The following CCDC148 variants were observed in gnomAD, a reference collection of about 807,000 sequenced individuals.
CCDC148 encodes coiled-coil domain-containing protein 148.
In CCDC148, 89 loss-of-function variants were observed where a neutral mutation model predicts 85.7. That is an observed-to-expected ratio of 1.04 (90% CI 0.87 to 1.24). CCDC148 has a LOEUF of 1.24. Ranked by LOEUF, CCDC148 falls within the 50% of genes most tolerant of loss-of-function variation. The pLI, the probability that CCDC148 is intolerant of heterozygous loss-of-function variation, is 0.00. For synonymous variants in CCDC148, 230 were observed against 213.9 expected, an observed-to-expected ratio of 1.08 and a Z score of -0.66; for missense variants, 692 against 671.7, an observed-to-expected ratio of 1.03 and a Z score of -0.33.
intron 10 of CCDC148, 83 bp from the exon 11 acceptor site, chr2:158,220,796 TC>T: frequency 9.5e-7 from 1 of 1,052,374 alleles, no homozygotes; most frequent in Non-Finnish European, 1.4e-6. Flanking sequence ...ATCCACTGGT[TC>T]GTATTACAAA....
intron 7 of CCDC148, among the ~76,000 whole-genome samples, chr2:158,325,674 A>T (rs1419744274): frequency 3.3e-5 from 5 of 152,182 alleles, no homozygotes; most frequent in Admixed American, 3.3e-4. Flanking sequence ...TCGTGTCCAA[A>T]CCTCAACCCC....
In CCDC148 at chr2:158,349,256, T is replaced by C. The variant is rs576422210; in HGVS notation, c.148-3938A>G. 3.3e-5 allele frequency among the ~76,000 whole-genome samples: 5 copies of C among 152,134 alleles called. No homozygotes were observed. The East Asian group carries it at 9.6e-4, about 29-fold the overall frequency. On this transcript the variant is annotated intron_variant, in intron 2 of 13. Coordinates refer to ENST00000283233, the MANE Select transcript of CCDC148 (RefSeq NM_138803.4). ...TATTTAAATATGTTTATATTTAATA[T>C]TGCCAGAGAAAAGTGCTGTAATAAT...
At chr2:158,453,280 C>A (rs747588319) in intron 1 of CCDC148, among the ~76,000 whole-genome samples, 10 of 152,202 alleles carry the variant, frequency 6.6e-5, no homozygotes, top group Non-Finnish European at 1.5e-4. Context: ...AGAACTCACC[C>A]TCTCAAGAAG....
At chr2:158,439,968 T>G (rs1412494479) in intron 1 of CCDC148, among the ~76,000 whole-genome samples, 1 of 152,106 alleles carries the variant, frequency 6.6e-6, no homozygotes, top group African/African-American at 2.4e-5. Context: ...TGAAGCATCT[T>G]CCTATCTTAC....
intron 9 of CCDC148, among the ~76,000 whole-genome samples, chr2:158,252,155 A>G (rs2204086): frequency 0.33 from 50,469 of 151,682 alleles, 10,054 homozygotes; most frequent in South Asian, 0.6. Context: ...TATTAATGGT[A>G]ATATATATGA....
chr2:158,413,992 G>A (rs1686381275), intron 1 of CCDC148, among the ~76,000 whole-genome samples: 1 of 152,100 alleles, frequency 6.6e-6, no homozygotes, highest in South Asian at 2.1e-4. Flanking sequence ...GATAAATCAA[G>A]GAAGTTGTTA....
chr2:158,305,944 A>G (rs1691664206), intron 9 of CCDC148, among the ~76,000 whole-genome samples: 1 of 152,170 alleles, frequency 6.6e-6, no homozygotes, highest in African/African-American at 2.4e-5. Context: ...AGAACAAACT[A>G]TTGATACAAA....
intron 1 of CCDC148, among the ~76,000 whole-genome samples, chr2:158,383,007 A>T (rs536172141): frequency 3.3e-5 from 5 of 152,216 alleles, no homozygotes; most frequent in Admixed American, 2.0e-4. Context: ...GCCATAAAAA[A>T]TGATGACATA....
intron 7 of CCDC148, among the ~76,000 whole-genome samples, chr2:158,334,449 T>C (rs1373691063): frequency 6.6e-6 from 1 of 152,214 alleles, no homozygotes; most frequent in Non-Finnish European, 1.5e-5. Flanking sequence ...CAGAAGTCTC[T>C]ATTTTCTAGA....
At chr2:158,297,183 C>T (rs1691229388) in intron 9 of CCDC148, among the ~76,000 whole-genome samples, 1 of 152,134 alleles carries the variant, frequency 6.6e-6, no homozygotes, top group Non-Finnish European at 1.5e-5. Flanking sequence ...AAACTGGACA[C>T]CCAAGTTCCT....
chr2:158,413,541 G>A (rs550458449), intron 1 of CCDC148, among the ~76,000 whole-genome samples: 21 of 151,726 alleles, frequency 1.4e-4, no homozygotes, highest in South Asian at 2.1e-4. Context: ...ATAAAGTGAC[G>A]AGTAAGACAC....
chr2:158,302,338 G>A (rs979360243), intron 9 of CCDC148, among the ~76,000 whole-genome samples: 2 of 152,054 alleles, frequency 1.3e-5, no homozygotes, highest in Admixed American at 6.5e-5. Flanking sequence ...ATGGAGTGGC[G>A]ACCATAGGAA....
intron 11 of CCDC148, among the ~76,000 whole-genome samples, chr2:158,180,096 T>C (rs887858532): frequency 3.9e-5 from 6 of 152,150 alleles, no homozygotes; most frequent in African/African-American, 1.2e-4. Context: ...GTATTAGCTC[T>C]CCACCTCTGC....
chr2:158,454,679 A>T (rs1283471966), intron 1 of CCDC148, among the ~76,000 whole-genome samples: 2 of 152,262 alleles, frequency 1.3e-5, no homozygotes, highest in Non-Finnish European at 2.9e-5. Flanking sequence ...CCAGATAATC[A>T]TCCTCCTGAT....
intron 1 of CCDC148, among the ~76,000 whole-genome samples, chr2:158,400,580 T>C (rs893213464): frequency 1.3e-5 from 2 of 152,144 alleles, no homozygotes; most frequent in Non-Finnish European, 2.9e-5. Flanking sequence ...AAGATTTAAA[T>C]GTTAGACCTA....
intron 9 of CCDC148, among the ~76,000 whole-genome samples, chr2:158,295,982 C>T (rs186904712): frequency 5.3e-5 from 8 of 152,336 alleles, no homozygotes; most frequent in African/African-American, 1.9e-4. Context: ...AAATTCTGCA[C>T]ACAACTCTTC....
intron 2 of CCDC148, among the ~76,000 whole-genome samples, chr2:158,351,568 G>A (rs1464557203): frequency 2.6e-5 from 4 of 152,240 alleles, no homozygotes; most frequent in Admixed American, 2.6e-4. Context: ...CTGGCTTGGA[G>A]GGTCCTATGC....
intron 10 of CCDC148, among the ~76,000 whole-genome samples, chr2:158,232,738 T>A (rs1687913267): frequency 1.3e-5 from 2 of 152,134 alleles, no homozygotes; most frequent in Non-Finnish European, 2.9e-5. Flanking sequence ...AAGCATCCAG[T>A]TCCAGTCCCC....
intron 2 of CCDC148, among the ~76,000 whole-genome samples, chr2:158,347,386 C>A (rs1683047034): frequency 6.6e-6 from 1 of 151,760 alleles, no homozygotes; most frequent in Non-Finnish European, 1.5e-5. Context: ...CAATATTTTG[C>A]AGAACATACT....
Sources: allele counts gnomAD v4.1 joint callset (sites outside exome capture counted in the v4.1 genomes callset), GRCh38; gene constraint gnomAD v4.1.1; transcripts MANE v1.5; gene names NCBI Gene and HGNC (gene_info 2026-07-23, HGNC 2026-07-21).